LMF1: variants seen among roughly 807,000 people sequenced by gnomAD.
The protein encoded by LMF1 is transmembrane protein 112.
Under a neutral mutation model 60.6 loss-of-function variants are expected in LMF1, and 68 were observed. That is an observed-to-expected ratio of 1.12 (90% CI 0.92 to 1.37). The LOEUF (loss-of-function observed/expected upper bound fraction) is 1.37, where lower values mean the gene tolerates loss of function less well. Among genes scored for constraint, LMF1 ranks in the 40% most tolerant of loss-of-function variants. The pLI is 0.00. For synonymous variants in LMF1, 418 were observed against 324.7 expected, an observed-to-expected ratio of 1.29 and a Z score of -3.09; for missense variants, 948 against 767.2, an observed-to-expected ratio of 1.24 and a Z score of -2.78.
upstream of LMF1, among the ~76,000 whole-genome samples, chr16:974,137 CTTT>C (rs1191428659): frequency 5.3e-5 from 8 of 152,326 alleles, no homozygotes; most frequent in African/African-American, 1.2e-4. Context: ...CACCTTACTT[CTTT>C]GTCTATATTA....
At chr16:919,076 T>C (rs2071358534) in intron 3 of LMF1, among the ~76,000 whole-genome samples, 1 of 151,954 alleles carries the variant, frequency 6.6e-6, no homozygotes, top group African/African-American at 2.4e-5. Flanking sequence ...AGTCGGCATG[T>C]CGGCGTGGAC....
chr16:978,135 A>C (rs917436431), intron 1 of LMF1, among the ~76,000 whole-genome samples: 2 of 136,624 alleles, frequency 1.5e-5, no homozygotes, highest in African/African-American at 2.9e-5. Flanking sequence ...ACACCACACC[A>C]CACACATACA....
intron 2 of LMF1, among the ~76,000 whole-genome samples, chr16:952,967 AC>A (rs1567308111): frequency 5.6e-5 from 4 of 71,990 alleles, no homozygotes; most frequent in African/African-American, 1.0e-4. Flanking sequence ...CCACACAGAC[AC>A]CCCAAACCAG....
intron 5 of LMF1, among the ~76,000 whole-genome samples, chr16:892,121 G>A (rs1042613077): frequency 3.3e-5 from 5 of 152,248 alleles, no homozygotes; most frequent in South Asian, 2.1e-4. Flanking sequence ...GAGGCACCGC[G>A]TGAGGACGGT....
chr16:857,903 G>A (rs2069255470), intron 10 of LMF1, among the ~76,000 whole-genome samples: 1 of 76,140 alleles, frequency 1.3e-5, no homozygotes, highest in Admixed American at 1.1e-4. Flanking sequence ...GTGGTGTCTC[G>A]GGATGGGTGT....
At chr16:887,010 A>G (rs1381023816) in intron 5 of LMF1, 1 of 151,594 alleles carries the variant, frequency 6.6e-6, no homozygotes, top group Non-Finnish European at 1.5e-5. Flanking sequence ...CAGCCGCCGG[A>G]TGGGATTCAG....
At position 925,991 on chromosome 16, in the gene LMF1, CTGTA is replaced by C. The variant is rs72448497; in HGVS notation, c.514+8249_514+8252del. On this transcript the variant is annotated intron_variant, in intron 3 of 10. Transcript: ENST00000262301. ...GTTTGCATATGATCTGCATACGTGT[CTGTA>C]TGCATGCATGCATGTGTGCTTGCAT... 6.1e-3 allele frequency among the ~76,000 whole-genome samples: 892 copies of C among 145,550 alleles called. 18 individuals carry two copies. The highest frequency in any genetic ancestry group is 0.022 in the African/African-American group (849 of 39,330).
At position 944,737 on chromosome 16, in the gene LMF1, CT is replaced by C. The variant is rs574883973; in HGVS notation, c.503+9619del. On this transcript the variant is annotated intron_variant, in intron 2 of 10. Transcript: ENST00000262301. ...AGACGTCCTCTCCCTCAAACTGCCC[CT>C]GCCAGGCTTGCCCTGTCTACGGCCC... 1.8e-3 allele frequency among the ~76,000 whole-genome samples: 281 copies of C among 152,316 alleles called. 1 individual carries two copies. Among genetic ancestry groups the C allele is most frequent in the African/African-American group, 6.5e-3 (271 of 41,574 alleles).
intron 2 of LMF1, among the ~76,000 whole-genome samples, chr16:937,609 T>C (rs1309399204): frequency 6.6e-6 from 1 of 152,258 alleles, no homozygotes; most frequent in African/African-American, 2.4e-5. Flanking sequence ...CTGCAGATGC[T>C]GCACACGGCC....
chr16:870,280 T>C (rs1300139786), intron 8 of LMF1, among the ~76,000 whole-genome samples: 2 of 152,124 alleles, frequency 1.3e-5, no homozygotes, highest in Admixed American at 1.3e-4. Context: ...GAGAACACCT[T>C]CTCTGCCCGT....
intron 1 of LMF1, among the ~76,000 whole-genome samples, chr16:968,118 G>C (rs879882910): frequency 6.6e-6 from 1 of 152,190 alleles, no homozygotes; most frequent in South Asian, 2.1e-4. Context: ...TACACACCTC[G>C]GTGGCAGCAC....
intron 3 of LMF1, among the ~76,000 whole-genome samples, chr16:930,944 A>G (rs1416972656): frequency 6.6e-6 from 1 of 152,064 alleles, no homozygotes; most frequent in Non-Finnish European, 1.5e-5. Context: ...AACACTGTGA[A>G]ATCCCATCTC....
chr16:978,160 A>G (rs551090944), intron 1 of LMF1, among the ~76,000 whole-genome samples: 3 of 149,942 alleles, frequency 2.0e-5, no homozygotes, highest in African/African-American at 7.4e-5. Flanking sequence ...ACACACACAC[A>G]CACACCACAC....
At chr16:959,648 T>C (rs570405330) in intron 1 of LMF1, among the ~76,000 whole-genome samples, 3 of 152,084 alleles carry the variant, frequency 2.0e-5, no homozygotes, top group Admixed American at 1.3e-4. Flanking sequence ...CTCCGGAAAA[T>C]GTTCTGAGTG....
At chr16:857,047 A>G (rs1447651656) in intron 10 of LMF1, among the ~76,000 whole-genome samples, 1 of 152,262 alleles carries the variant, frequency 6.6e-6, no homozygotes, top group Non-Finnish European at 1.5e-5. Flanking sequence ...CCCGCGGGGC[A>G]GGCGATTCTC....
chr16:950,070 C>T (rs1459299342), intron 2 of LMF1, among the ~76,000 whole-genome samples: 1 of 102,006 alleles, frequency 9.8e-6, no homozygotes, highest in African/African-American at 5.6e-5. Flanking sequence ...CAGCCAACGA[C>T]AGAGTCAGAG....
intron 3 of LMF1, among the ~76,000 whole-genome samples, chr16:914,613 C>T (rs1320600019): frequency 2.0e-5 from 3 of 152,146 alleles, no homozygotes; most frequent in Admixed American, 6.5e-5. Flanking sequence ...CACTCCCTCC[C>T]TCCCCATGAC....
At chr16:861,764 C>A (rs371199243) in intron 10 of LMF1, among the ~76,000 whole-genome samples, 4 of 152,310 alleles carry the variant, frequency 2.6e-5, no homozygotes, top group African/African-American at 7.2e-5. Flanking sequence ...GTGATCGACA[C>A]GCCTTTTCTT....
chr16:976,436 G>A (rs551505826), intron 1 of LMF1: 7 of 454,132 alleles, frequency 1.5e-5, no homozygotes, highest in East Asian at 6.9e-5. Flanking sequence ...TGCCACCAAC[G>A]GAAGCGTTGA....
Sources: allele counts gnomAD v4.1 joint callset (sites outside exome capture counted in the v4.1 genomes callset), GRCh38; gene constraint gnomAD v4.1.1; transcripts MANE v1.5; gene names NCBI Gene and HGNC (gene_info 2026-07-23, HGNC 2026-07-21).